Variants in AKAP13 observed in about 807,000 individuals in gnomAD.
AKAP13 encodes the protein A-kinase anchor protein 13.
Under a neutral mutation model 264.5 loss-of-function variants are expected in AKAP13, and 80 were observed. The observed-to-expected ratio is 0.30, with a 90% CI of 0.25 to 0.36. AKAP13 has a LOEUF of 0.36. Ranked by LOEUF, AKAP13 falls within the 10% of genes least tolerant of loss-of-function variation. AKAP13 has a pLI of 1.00. For missense variants in AKAP13, 3,712 were observed against 3,435.2 expected, an observed-to-expected ratio of 1.08 and a Z score of -2.01; for synonymous variants, 1,380 against 1,250.2, an observed-to-expected ratio of 1.10 and a Z score of -2.19.
At chr15:85,736,425 G>T (rs78624647) in intron 33 of AKAP13, among the ~76,000 whole-genome samples, 16 of 65,260 alleles carry the variant, frequency 2.5e-4, no homozygotes, top group Non-Finnish European at 5.3e-4. Context: ...CTGTTTTTTT[G>T]TTTGTTTGTT....
In AKAP13 at chr15:85,545,736, G is replaced by T. The variant is rs2077712627; in HGVS notation, c.662+1781G>T. Among the ~76,000 whole-genome samples the T allele has an allele frequency of 2.0e-5, 3 of 152,236 alleles. 1 individual carries two copies. The South Asian group carries it at 6.2e-4, about 31-fold the overall frequency. ...GCGATTGTCCCAAATCACTCAGTGT[G>T]AGAGTGATTCTAGTAGAATTTGGTA... On this transcript the variant is annotated intron_variant, in intron 5 of 36. Transcript: ENST00000394518.
chr15:85,483,635 A>AAAAAAAAAC (rs2075420236), intron 1 of AKAP13, among the ~76,000 whole-genome samples: 1 of 138,458 alleles, frequency 7.2e-6, no homozygotes, highest in Non-Finnish European at 1.6e-5. Context: ...TCCGTCTCAA[A>AAAAAAAAAC]AAAAAAAAAA....
At chr15:85,425,572 C>G (rs1217464400) in intron 1 of AKAP13, among the ~76,000 whole-genome samples, 1 of 151,962 alleles carries the variant, frequency 6.6e-6, no homozygotes, top group African/African-American at 2.4e-5. Flanking sequence ...AAAAAATCAG[C>G]CGATGTGGTG....
intron 2 of AKAP13, among the ~76,000 whole-genome samples, chr15:85,487,459 A>G (rs372657013): frequency 2.6e-5 from 4 of 152,180 alleles, no homozygotes; most frequent in South Asian, 4.1e-4. Context: ...GACTATTTTT[A>G]TGATGAAAAC....
intron 5 of AKAP13, among the ~76,000 whole-genome samples, chr15:85,547,067 G>T (rs1056741719): frequency 1.3e-5 from 2 of 152,074 alleles, no homozygotes; most frequent in Non-Finnish European, 2.9e-5. Flanking sequence ...TAATAGTTTG[G>T]GTATCTTCTT....
intron 4 of AKAP13, among the ~76,000 whole-genome samples, chr15:85,541,244 T>C (rs1347299378): frequency 6.6e-6 from 1 of 152,220 alleles, no homozygotes; most frequent in East Asian, 1.9e-4. Flanking sequence ...GCTGAAGTAT[T>C]TTGGGGTGAA....
At chr15:85,532,243 G>A (rs1363252192) in intron 3 of AKAP13, among the ~76,000 whole-genome samples, 1 of 152,100 alleles carries the variant, frequency 6.6e-6, no homozygotes, top group African/African-American at 2.4e-5. Flanking sequence ...GGAGGCCCTT[G>A]GGAAAAAAGC....
intron 1 of AKAP13, among the ~76,000 whole-genome samples, chr15:85,400,188 T>G (rs1056120577): frequency 2.0e-5 from 3 of 152,084 alleles, no homozygotes. Flanking sequence ...TAGCTTGAAG[T>G]CAGGAGGCCA....
chr15:85,743,512 G>T lies in AKAP13; in HGVS notation c.8079G>T (p.Lys2693Asn). Residue 2693 changes from lysine to asparagine, a missense_variant, in exon 36 of 37, where the codon AAG becomes AAT. Around this residue, in one of 3 missense-constraint regions of AKAP13, gnomAD observed 611 missense variants for 539.3 expected, o/e 1.13. Transcript: ENST00000394518. ...DLCQVSHPHT[K>N]LMRIPSFFPS... ...TACAGGTTTCCCATCCACATACCAA[G>T]CTGATGAGGATCCCATCGTTCTTCC... 1 of 1,614,024 alleles carries T rather than the reference G, an allele frequency of 6.2e-7. No homozygotes were observed. The highest frequency in any genetic ancestry group is 8.5e-7 in the Non-Finnish European group (1 of 1,179,924).
rs1269907780 is a variant in AKAP13 at position 85,581,530 on chromosome 15, T to C, written c.3462T>C (p.Pro1154=). 6.2e-7 allele frequency: 1 copy of C among 1,613,916 alleles called. No homozygotes were observed. Among genetic ancestry groups the C allele is most frequent in the Non-Finnish European group, 8.5e-7 (1 of 1,180,012 alleles). Residue 1154 remains proline, a synonymous_variant, in exon 7 of 37, where the codon CCT becomes CCC. Transcript: ENST00000394518. ...GAGTTGGAACCCCAGAGATGATACC[T>C]CTTGATTGGGAGAAAGGGAAGCTGG... ...PQGVGTPEMI[P]LDWEKGKLEG...
rs1315010301 is a variant in AKAP13, at chr15:85,399,535, A to AAAAT, written c.-12+18757_-12+18760dup. On this transcript the variant is annotated intron_variant, in intron 1 of 36. Transcript: ENST00000394518. Reference sequence around the variant, plus strand: ...AAAAAAAAAAAAATAAAAAAATAAAAAAATAAATAAATAAATAAATAAAGT... The same window carrying AAAAT: ...AAAAAAAAAAAAATAAAAAAATAAAAAAATAAATAAATAAATAAATAAATAAAGT... 1.1e-3 allele frequency among the ~76,000 whole-genome samples: 112 copies of AAAAT among 105,552 alleles called. 1 individual carries two copies. The highest frequency in any genetic ancestry group is 3.1e-3 in the African/African-American group (75 of 24,550). 69.2% of individuals were successfully genotyped at this position (105,552 alleles called of 152,430 possible).
chr15:85,548,494 A>G (rs2077833689), intron 5 of AKAP13, among the ~76,000 whole-genome samples: 1 of 152,184 alleles, frequency 6.6e-6, no homozygotes, highest in South Asian at 2.1e-4. Flanking sequence ...CCTACTTAGT[A>G]GTTAGTGTGA....
intron 29 of AKAP13, 23 bp from the exon 30 acceptor site, chr15:85,730,490 A>C (rs1164977940): frequency 3.1e-6 from 5 of 1,609,668 alleles, no homozygotes; most frequent in Non-Finnish European, 4.2e-6. Flanking sequence ...ATCAAATCAC[A>C]GATCATTTTC....
chr15:85,633,549 T>C (rs1047254217), intron 8 of AKAP13, among the ~76,000 whole-genome samples: 2 of 134,812 alleles, frequency 1.5e-5, no homozygotes, highest in Non-Finnish European at 3.1e-5. Context: ...TTTTTTTTTT[T>C]TTTTTTTTTT....
chr15:85,631,373 C>A (rs1465817732), intron 8 of AKAP13, among the ~76,000 whole-genome samples: 1 of 151,996 alleles, frequency 6.6e-6, no homozygotes, highest in Non-Finnish European at 1.5e-5. Context: ...TTACACAACT[C>A]TATGAATATA....
At chr15:85,526,221 G>GAC (rs2151171689) in intron 3 of AKAP13, among the ~76,000 whole-genome samples, 1 of 152,232 alleles carries the variant, frequency 6.6e-6, no homozygotes, top group South Asian at 2.1e-4. Flanking sequence ...CAAATGGTCT[G>GAC]AGTTATAATA....
At position 85,718,414 on chromosome 15, in the gene AKAP13, G is replaced by A. The variant is rs1298043416; in HGVS notation, c.6001+255G>A. On this transcript the variant is annotated intron_variant, in intron 22 of 36. Transcript: ENST00000394518. The surrounding 1 kb of genome is among the most constrained non-coding windows in gnomAD (Gnocchi z 4.9). ...TATTTATACAGCAGTCCTAGAAAGA[G>A]ATATCTCAGTTTTTTTCCTTACCTA... 6.6e-6 allele frequency among the ~76,000 whole-genome samples: 1 copy of A among 152,104 alleles called. No homozygotes were observed. Among genetic ancestry groups the A allele is most frequent in the East Asian group, 1.9e-4 (1 of 5,196 alleles).
chr15:85,612,192 G>T (rs1020921262), intron 8 of AKAP13, among the ~76,000 whole-genome samples: 3 of 152,126 alleles, frequency 2.0e-5, no homozygotes, highest in African/African-American at 7.2e-5. Context: ...TACTCTATTT[G>T]CCATGTTTAG....
chr15:85,498,212 A>ATATATATATATATATATATATAT (rs1217645309), intron 2 of AKAP13, among the ~76,000 whole-genome samples: 1 of 141,234 alleles, frequency 7.1e-6, no homozygotes, highest in Non-Finnish European at 1.5e-5. Context: ...ATATATATAT[A>ATATATATATATATATATATATAT]TATATATATA....
Sources: gnomAD v4.1 joint callset for allele counts (sites outside exome capture counted in the v4.1 genomes callset) on GRCh38, gnomAD v4.1.1 for gene constraint, gnomAD v4.1.1 regional missense constraint, Gnocchi (gnomAD v3.1) non-coding constraint, MANE v1.5 for transcripts, NCBI Gene and HGNC (gene_info 2026-07-23, HGNC 2026-07-21) for gene names.